TAB2: variants seen among roughly 807,000 people sequenced by gnomAD.
TAB2 encodes the protein TGF-beta activated kinase 1 (MAP3K7) binding protein 2.
TAB2 carries 3 observed loss-of-function variants against 65.0 expected under a neutral mutation model. That is an observed-to-expected ratio of 0.05 (90% CI 0.02 to 0.12). The LOEUF (loss-of-function observed/expected upper bound fraction) is 0.12. Among genes scored for constraint, TAB2 ranks in the 10% least tolerant of loss-of-function variants. The pLI is 1.00. For synonymous variants in TAB2, 298 were observed against 285.1 expected (o/e 1.05, Z -0.46); for missense variants, 623 against 840.3 (o/e 0.74, Z 3.20).
chr6:149,293,714 G>A (rs1419297882), intron 1 of TAB2, among the ~76,000 whole-genome samples: 1 of 152,162 alleles, frequency 6.6e-6, no homozygotes, highest in African/African-American at 2.4e-5. Flanking sequence ...AGTTTAACAT[G>A]TTCTGTTAAA....
At chr6:149,254,063 A>AGGG (rs1777942744) in intron 1 of TAB2, among the ~76,000 whole-genome samples, 1 of 24,838 alleles carries the variant, frequency 4.0e-5, no homozygotes, top group Non-Finnish European at 1.0e-4. Context: ...GAGAGGGAGG[A>AGGG]AGGAAGGAAG....
At chr6:149,353,292 C>T (rs1270520578) in intron 1 of TAB2, among the ~76,000 whole-genome samples, 1 of 152,188 alleles carries the variant, frequency 6.6e-6, no homozygotes, top group Non-Finnish European at 1.5e-5. Flanking sequence ...CTTACTCCTT[C>T]CCCTTACTTC....
At chr6:149,221,714 A>G (rs548079897) in intron 1 of TAB2, among the ~76,000 whole-genome samples, 1 of 152,184 alleles carries the variant, frequency 6.6e-6, no homozygotes, top group African/African-American at 2.4e-5. Flanking sequence ...CAAAGGGAGG[A>G]CTTTGTTTAT....
chr6:149,321,273 GT>G (rs1779447584), intron 1 of TAB2: 1 of 152,142 alleles, frequency 6.6e-6, no homozygotes, highest in African/African-American at 2.4e-5. Flanking sequence ...ATGTTCATAT[GT>G]TTTTGCCTCT....
intron 3 of TAB2, among the ~76,000 whole-genome samples, chr6:149,390,215 A>G (rs1781937034): frequency 6.6e-6 from 1 of 152,224 alleles, no homozygotes; most frequent in South Asian, 2.1e-4. Context: ...AGAAGCTGAC[A>G]TTGTACTTTC....
At chr6:149,398,953 A>G (rs1782269557) in intron 5 of TAB2, 151 bp from the exon 6 acceptor site, 4 of 664,294 alleles carry the variant, frequency 6.0e-6, no homozygotes, top group Non-Finnish European at 1.0e-5. Context: ...ATATGTTTTG[A>G]AATCTTACAT....
chr6:149,371,281 C>T (rs181956150), intron 2 of TAB2, among the ~76,000 whole-genome samples: 37 of 152,270 alleles, frequency 2.4e-4, no homozygotes, highest in Non-Finnish European at 5.0e-4. Context: ...AATCTATCCT[C>T]TTCTGCCAGA....
intron 1 of TAB2, among the ~76,000 whole-genome samples, chr6:149,254,150 A>AAAGGAAAGGAAAGG (rs1554254318): frequency 6.9e-6 from 1 of 145,694 alleles, no homozygotes; most frequent in Non-Finnish European, 1.5e-5. Flanking sequence ...GAAAGGAAAG[A>AAAGGAAAGGAAAGG]AAAGGAAAGG....
chr6:149,359,236 T>A (rs1440815590), intron 1 of TAB2, among the ~76,000 whole-genome samples: 2 of 152,218 alleles, frequency 1.3e-5, no homozygotes, highest in Non-Finnish European at 2.9e-5. Flanking sequence ...CTAGAAATCC[T>A]TTGCTTCCTG....
chr6:149,356,822 AT>A (rs1780668598), intron 1 of TAB2, among the ~76,000 whole-genome samples: 1 of 152,208 alleles, frequency 6.6e-6, no homozygotes, highest in Admixed American at 6.5e-5. Flanking sequence ...GTAGTGTGGA[AT>A]TTAGGATTTT....
intron 1 of TAB2, among the ~76,000 whole-genome samples, chr6:149,367,250 G>A (rs569534931): frequency 6.6e-6 from 1 of 152,164 alleles, no homozygotes; most frequent in East Asian, 1.9e-4. Flanking sequence ...AAGAGTTATG[G>A]CATTATTTAG....
At chr6:149,250,484 T>G (rs1777837277) in intron 1 of TAB2, among the ~76,000 whole-genome samples, 1 of 152,156 alleles carries the variant, frequency 6.6e-6, no homozygotes, top group Non-Finnish European at 1.5e-5. Context: ...TTTTGTATTT[T>G]TAGTAGAGAC....
intron 1 of TAB2, among the ~76,000 whole-genome samples, chr6:149,267,512 T>C (rs910872403): frequency 9.9e-5 from 15 of 152,184 alleles, no homozygotes; most frequent in African/African-American, 3.6e-4. Context: ...CTTCTTCCAC[T>C]TGAGAGTTAG....
chr6:149,325,927 A>C (rs1017801647), intron 1 of TAB2, among the ~76,000 whole-genome samples: 2 of 152,084 alleles, frequency 1.3e-5, no homozygotes, highest in African/African-American at 4.8e-5. Context: ...TTTGTAGAGA[A>C]GGGTTCTTCC....
At chr6:149,345,972 GTATT>G (rs1266982971) in intron 1 of TAB2, among the ~76,000 whole-genome samples, 4 of 152,088 alleles carry the variant, frequency 2.6e-5, no homozygotes, top group Admixed American at 6.5e-5. Flanking sequence ...ATGCAATAAT[GTATT>G]TATTTATTCC....
At chr6:149,361,921 T>C (rs1317387894) in intron 1 of TAB2, among the ~76,000 whole-genome samples, 1 of 152,240 alleles carries the variant, frequency 6.6e-6, no homozygotes, top group African/African-American at 2.4e-5. Context: ...TGCTAAGGCA[T>C]AACAAGGCTG....
chr6:149,384,496 G>A (rs1383749083), intron 3 of TAB2, among the ~76,000 whole-genome samples: 3 of 152,098 alleles, frequency 2.0e-5, no homozygotes, highest in African/African-American at 7.2e-5. Flanking sequence ...GGTACTACAG[G>A]AATCAGAGAC....
At chr6:149,237,005 T>C (rs1777507509) in intron 1 of TAB2, among the ~76,000 whole-genome samples, 1 of 152,218 alleles carries the variant, frequency 6.6e-6, no homozygotes, top group South Asian at 2.1e-4. Flanking sequence ...CTCTTTATTT[T>C]TTAAATTGGC....
intron 1 of TAB2, among the ~76,000 whole-genome samples, chr6:149,283,631 A>AC: frequency 6.6e-6 from 1 of 152,222 alleles, no homozygotes; most frequent in South Asian, 2.1e-4. Context: ...AATCACTTGA[A>AC]CCCGAGAGGC....
Sources: gnomAD v4.1 joint callset for allele counts (sites outside exome capture counted in the v4.1 genomes callset) on GRCh38, gnomAD v4.1.1 for gene constraint, MANE v1.5 for transcripts, NCBI Gene and HGNC (gene_info 2026-07-23, HGNC 2026-07-21) for gene names.